ACCSL: variants seen among roughly 807,000 people sequenced by gnomAD.
ACCSL encodes probable inactive 1-aminocyclopropane-1-carboxylate synthase-like protein 2.
In ACCSL, 55 loss-of-function variants were observed where a neutral mutation model predicts 61.7. The ratio of observed to expected loss-of-function variants is 0.89; its 90% CI spans 0.72 to 1.12. The LOEUF (loss-of-function observed/expected upper bound fraction) is 1.12, where lower values mean the gene tolerates loss of function less well. Among genes scored for constraint, ACCSL ranks in the 50% most tolerant of loss-of-function variants. ACCSL has a pLI of 0.00. For synonymous variants in ACCSL, 258 were observed against 264.3 expected (o/e 0.98, Z 0.23); for missense variants, 632 against 698.0 (o/e 0.91, Z 1.07).
chr11:44,050,902 T>C (rs1590429437), intron 3 of ACCSL, among the ~76,000 whole-genome samples: 1 of 147,008 alleles, frequency 6.8e-6, no homozygotes, highest in East Asian at 2.0e-4. Context: ...AGTGCAGTGG[T>C]GCTATCTCAG....
chr11:43,949,584 G>T, the ACCSL span, among the ~76,000 whole-genome samples: 2 of 151,698 alleles, frequency 1.3e-5, no homozygotes, highest in East Asian at 3.9e-4. Context: ...GGAGGCTGAG[G>T]CAGGTGGATC....
At chr11:43,950,555 A>G in the ACCSL span, among the ~76,000 whole-genome samples, 2 of 152,244 alleles carry the variant, frequency 1.3e-5, no homozygotes, top group Admixed American at 1.3e-4. Context: ...CATGCAGCCA[A>G]TGTATACATC....
the ACCSL span, among the ~76,000 whole-genome samples, chr11:43,941,419 G>A: frequency 9.1e-4 from 139 of 152,352 alleles, 1 homozygote; most frequent in East Asian, 0.023. Context: ...TGTGTTGAGT[G>A]GATACGGAAA....
chr11:44,016,150 C>G, the ACCSL span, among the ~76,000 whole-genome samples: 3 of 152,100 alleles, frequency 2.0e-5, no homozygotes, highest in African/African-American at 4.8e-5. Flanking sequence ...TTGATAAAGC[C>G]AGGCCTGGAG....
the ACCSL span, among the ~76,000 whole-genome samples, chr11:44,007,930 C>G: frequency 6.6e-6 from 1 of 152,124 alleles, no homozygotes; most frequent in Non-Finnish European, 1.5e-5. Context: ...AAACAGCACA[C>G]AGGGTGCAGC....
the ACCSL span, among the ~76,000 whole-genome samples, chr11:44,011,237 A>AC: frequency 6.6e-6 from 1 of 151,538 alleles, no homozygotes; most frequent in Admixed American, 6.6e-5. Context: ...ATCCTCCCTG[A>AC]CCTCCACCTC....
At chr11:43,989,149 G>A in the ACCSL span, among the ~76,000 whole-genome samples, 1 of 152,214 alleles carries the variant, frequency 6.6e-6, no homozygotes, top group Non-Finnish European at 1.5e-5. Context: ...CAGGCCTCAA[G>A]CTGCTGTGTG....
At chr11:43,951,844 T>G in the ACCSL span, among the ~76,000 whole-genome samples, 1 of 152,072 alleles carries the variant, frequency 6.6e-6, no homozygotes, top group African/African-American at 2.4e-5. Flanking sequence ...CTACTAAAAA[T>G]ACAAACATTA....
chr11:44,048,202 G>T lies in ACCSL; in HGVS notation c.166G>T (p.Glu56Ter), dbSNP rs761472684. 21 of 1,614,056 alleles carry T rather than the reference G, an allele frequency of 1.3e-5. No individual in the cohort carries two copies. Among genetic ancestry groups the T allele is most frequent in the Middle Eastern group, 1.6e-4 (1 of 6,084 alleles). The change falls in exon 1 of 14, where the codon GAG becomes TAG. Residue 56 changes from glutamate (E) to a stop codon, truncating the protein, a stop_gained. Coordinates refer to ENST00000378832, the MANE Select transcript of ACCSL (RefSeq NM_001031854.2). LOFTEE classifies it high-confidence loss of function. ...GACGAGCAGACAGGGCCTGTCGCTG[G>T]AGGAAAGGAGGCACACTGAGGCCAT... ...QLTSRQGLSL[E>*]ERRHTEAICE...
At chr11:43,956,481 A>G in the ACCSL span, among the ~76,000 whole-genome samples, 459 of 151,970 alleles carry the variant, frequency 3.0e-3, 5 homozygotes, top group African/African-American at 0.01. Flanking sequence ...GTGCAATGGC[A>G]TGATCTCAGC....
At chr11:43,974,930 G>A in the ACCSL span, among the ~76,000 whole-genome samples, 4 of 152,166 alleles carry the variant, frequency 2.6e-5, no homozygotes, top group Non-Finnish European at 5.9e-5. Flanking sequence ...GAGATCGAGA[G>A]ATAATACATG....
At chr11:43,953,840 G>A in the ACCSL span, among the ~76,000 whole-genome samples, 12 of 150,364 alleles carry the variant, frequency 8.0e-5, no homozygotes, top group South Asian at 8.3e-4. Context: ...ACCATAGGTC[G>A]CTCTGCCTAT....
intron 10 of ACCSL, 35 bp downstream of exon 10, chr11:44,056,120 G>C (rs1249462031): frequency 2.5e-6 from 4 of 1,614,170 alleles, no homozygotes; most frequent in Non-Finnish European, 3.4e-6. Context: ...GCTAGGGAAG[G>C]AGGAGGAGCC....
the ACCSL span, among the ~76,000 whole-genome samples, chr11:44,041,504 C>T: frequency 1.3e-5 from 2 of 152,142 alleles, no homozygotes; most frequent in Non-Finnish European, 2.9e-5. Context: ...CTAGTGTTTA[C>T]CAAAGTCTGA....
chr11:44,020,798 C>G, the ACCSL span, among the ~76,000 whole-genome samples: 129,390 of 151,270 alleles, frequency 0.86, 55,410 homozygotes, highest in Middle Eastern at 0.87. Context: ...TTTCCCCTGA[C>G]TCCCCAAAGT....
the ACCSL span, among the ~76,000 whole-genome samples, chr11:43,951,630 C>T: frequency 6.6e-6 from 1 of 152,150 alleles, no homozygotes; most frequent in African/African-American, 2.4e-5. Context: ...CAAAGCAACC[C>T]CCAAAGAGGC....
the ACCSL span, among the ~76,000 whole-genome samples, chr11:43,993,640 C>T: frequency 2.6e-5 from 4 of 151,984 alleles, no homozygotes; most frequent in Admixed American, 6.6e-5. Context: ...CGCCCCTTGC[C>T]GGAATGGGCA....
chr11:43,992,600 A>G, the ACCSL span, among the ~76,000 whole-genome samples: 1 of 152,176 alleles, frequency 6.6e-6, no homozygotes, highest in South Asian at 2.1e-4. Flanking sequence ...ATTTGATTAG[A>G]GATACCTCTA....
intron 9 of ACCSL, 80 bp from the exon 10 acceptor site, chr11:44,055,960 T>C (rs1952668497): frequency 6.4e-7 from 1 of 1,551,206 alleles, no homozygotes; most frequent in South Asian, 1.1e-5. Context: ...CAACCTCAAA[T>C]CTACTTTCCC....
Sources: allele counts gnomAD v4.1 joint callset (sites outside exome capture counted in the v4.1 genomes callset), GRCh38; gene constraint gnomAD v4.1.1; transcripts MANE v1.5; gene names NCBI Gene and HGNC (gene_info 2026-07-23, HGNC 2026-07-21).